The following STPG2 variants were observed in gnomAD, a reference collection of about 807,000 sequenced individuals.
STPG2 encodes the protein sperm tail PG-rich repeat containing 2.
STPG2 carries 56 observed loss-of-function variants against 54.2 expected under a neutral mutation model. The ratio of observed to expected loss-of-function variants is 1.03; its 90% CI spans 0.83 to 1.29. The LOEUF is 1.29. Ranked by LOEUF, STPG2 falls within the 50% of genes most tolerant of loss-of-function variation. STPG2 has a pLI of 0.00. For missense variants in STPG2, 596 were observed against 544.9 expected (o/e 1.09, Z -0.93); for synonymous variants, 200 against 181.8 (o/e 1.10, Z -0.81).
intron 4 of STPG2, among the ~76,000 whole-genome samples, chr4:97,480,371 AATTT>A (rs1284325421): frequency 1.3e-5 from 2 of 151,582 alleles, no homozygotes; most frequent in Non-Finnish European, 3.0e-5. Context: ...TTCAGTGATG[AATTT>A]TATCAGACGT....
chr4:97,511,300 A>G (rs908131825), intron 4 of STPG2, among the ~76,000 whole-genome samples: 1 of 152,002 alleles, frequency 6.6e-6, no homozygotes, highest in African/African-American at 2.4e-5. Flanking sequence ...TAAAATCAAG[A>G]GGAATGGTTA....
At chr4:97,464,570 C>T (rs375388509) in intron 4 of STPG2, among the ~76,000 whole-genome samples, 1 of 152,090 alleles carries the variant, frequency 6.6e-6, no homozygotes, top group East Asian at 1.9e-4. Flanking sequence ...GTGCACACCA[C>T]CATGCCCAGC....
At chr4:97,578,398 C>CA (rs1732777128) in intron 10 of STPG2, among the ~76,000 whole-genome samples, 1 of 152,042 alleles carries the variant, frequency 6.6e-6, no homozygotes, top group African/African-American at 2.4e-5. Flanking sequence ...CCAACTGAGA[C>CA]AGAAGTAGTG....
At chr4:97,484,629 C>T (rs973457872) in intron 4 of STPG2, among the ~76,000 whole-genome samples, 3 of 151,706 alleles carry the variant, frequency 2.0e-5, no homozygotes, top group Non-Finnish European at 4.4e-5. Context: ...TTCTACTAGA[C>T]ATCCAAAGAA....
intron 9 of STPG2, among the ~76,000 whole-genome samples, chr4:97,733,831 ATC>A (rs1560506308): frequency 6.6e-6 from 1 of 151,752 alleles, no homozygotes; most frequent in Non-Finnish European, 1.5e-5. Flanking sequence ...CTCTCAAAGG[ATC>A]TGTTTGAAGT....
Position 97,484,262 on chromosome 4 carries a change from A to G in STPG2, c.462+228437T>C, listed in dbSNP as rs1235024345. On this transcript the variant is annotated intron_variant, in intron 4 of 4. Transcript: ENST00000522676. ...AAATTGAAACAAAAAAATACAAAAT[A>G]TAAATGAAGCAAACAGCCAGTTCTT... is the stretch of plus-strand genomic sequence containing the variant. Among the ~76,000 whole-genome samples the G allele has an allele frequency of 4.6e-5, 7 of 151,960 alleles. No individual in the cohort carries two copies. In the East Asian group the frequency reaches 1.2e-3, roughly 25 times the overall value.
chr4:97,857,205 A>C (rs1215027576), intron 8 of STPG2, among the ~76,000 whole-genome samples: 1 of 152,080 alleles, frequency 6.6e-6, no homozygotes, highest in African/African-American at 2.4e-5. Context: ...CTTCTTTTCA[A>C]CTTTTTGTAA....
intron 8 of STPG2, among the ~76,000 whole-genome samples, chr4:97,861,188 T>C (rs745361737): frequency 3.3e-5 from 5 of 152,020 alleles, no homozygotes; most frequent in Non-Finnish European, 7.4e-5. Flanking sequence ...AAAATTTGAA[T>C]AGGACATTTC....
intron 10 of STPG2, among the ~76,000 whole-genome samples, chr4:97,569,396 A>G (rs539724871): frequency 1.3e-5 from 2 of 152,306 alleles, no homozygotes; most frequent in African/African-American, 4.8e-5. Flanking sequence ...TTTGATCAGC[A>G]ACGTCTTTAT....
At chr4:97,952,297 C>T (rs1733502586) in intron 7 of STPG2, among the ~76,000 whole-genome samples, 1 of 152,056 alleles carries the variant, frequency 6.6e-6, no homozygotes, top group Non-Finnish European at 1.5e-5. Context: ...TCCCCTTCTC[C>T]AAGACCCTTC....
chr4:97,730,765 A>G (rs560728802), intron 9 of STPG2, among the ~76,000 whole-genome samples: 44 of 152,278 alleles, frequency 2.9e-4, no homozygotes, highest in African/African-American at 1.1e-3. Flanking sequence ...ATCAGTCTTC[A>G]AACTCTGAGA....
At chr4:97,565,167 G>A (rs940795014) in intron 10 of STPG2, among the ~76,000 whole-genome samples, 9 of 151,690 alleles carry the variant, frequency 5.9e-5, no homozygotes, top group Non-Finnish European at 8.8e-5. Context: ...TTCCCTTCTC[G>A]CTTCATTTCA....
chr4:98,050,699 A>T (rs932144255), intron 5 of STPG2, among the ~76,000 whole-genome samples: 22 of 152,214 alleles, frequency 1.4e-4, no homozygotes, highest in Admixed American at 5.2e-4. Context: ...GAGAAAAATC[A>T]TACCAATGTT....
intron 9 of STPG2, among the ~76,000 whole-genome samples, chr4:97,718,920 C>T (rs1172627625): frequency 1.3e-5 from 2 of 151,788 alleles, no homozygotes; most frequent in African/African-American, 4.8e-5. Context: ...ATTCCTAATC[C>T]AAAAATCTGA....
intron 3 of STPG2, 31 bp downstream of exon 3, chr4:98,128,397 C>A: frequency 1.3e-6 from 2 of 1,504,902 alleles, no homozygotes; most frequent in South Asian, 1.3e-5. Context: ...AACAATTTTC[C>A]AATTGTCAAT....
At chr4:98,076,849 A>G (rs1047590410) in intron 5 of STPG2, among the ~76,000 whole-genome samples, 7 of 152,208 alleles carry the variant, frequency 4.6e-5, no homozygotes, top group Admixed American at 3.3e-4. Context: ...AAACCTACAT[A>G]TACATTAAAA....
chr4:97,451,335 G>T (rs896938208), intron 4 of STPG2, among the ~76,000 whole-genome samples: 1 of 151,578 alleles, frequency 6.6e-6, no homozygotes, highest in Admixed American at 6.6e-5. Flanking sequence ...ATTTAGTTGA[G>T]GTAAATTAAA....
chr4:97,598,805 A>C (rs1733375614), intron 10 of STPG2, among the ~76,000 whole-genome samples: 1 of 152,180 alleles, frequency 6.6e-6, no homozygotes, highest in Non-Finnish European at 1.5e-5. Context: ...ATAAAACCTA[A>C]ATCTATAAAA....
intron 4 of STPG2, among the ~76,000 whole-genome samples, chr4:97,469,276 T>C (rs1049551507): frequency 3.3e-5 from 5 of 152,116 alleles, no homozygotes; most frequent in Non-Finnish European, 7.4e-5. Flanking sequence ...ATTAAAGAAC[T>C]GAGTTCATGC....
Sources: allele counts gnomAD v4.1 joint callset (sites outside exome capture counted in the v4.1 genomes callset), GRCh38; gene constraint gnomAD v4.1.1; transcripts MANE v1.5; gene names NCBI Gene and HGNC (gene_info 2026-07-23, HGNC 2026-07-21).